Variants in SCN9A observed in about 807,000 individuals in gnomAD.
The protein encoded by SCN9A is sodium channel protein type 9 subunit alpha.
Under a neutral mutation model 187.0 loss-of-function variants are expected in SCN9A, and 131 were observed. That is an observed-to-expected ratio of 0.70 (90% confidence interval 0.61 to 0.81). The LOEUF (loss-of-function observed/expected upper bound fraction) is 0.81. Ranked by LOEUF, SCN9A falls within the 30% of genes least tolerant of loss-of-function variation. The pLI is 0.00. For missense variants in SCN9A, 2,252 were observed against 2,396.6 expected (o/e 0.94, Z 1.26); for synonymous variants, 809 against 808.6 (o/e 1.00, Z -0.01).
rs1693271258 is a variant in SCN9A, at chr2:166,197,223, T to G, written c.*1449A>C. 6.6e-6 allele frequency: 1 copy of G among 152,088 alleles called. No individual in the cohort carries two copies. The highest frequency in any genetic ancestry group is 1.5e-5 in the Non-Finnish European group (1 of 67,976). 9.4% of individuals were successfully genotyped at this position (152,088 alleles called of 1,614,324 possible). A position where few individuals can be genotyped will look rare whatever the true frequency, so the allele number is the denominator to read the frequency against. On this transcript the variant is annotated 3_prime_UTR_variant, in exon 27 of 27. Coordinates refer to ENST00000642356, the MANE Select transcript of SCN9A (RefSeq NM_001365536.1). ...TTATAGAAGAAAGATCTCATATTCCTGAAATAAACTCACGAAAAAAAGCAT... is the reference window on the plus strand; with the variant it reads ...TTATAGAAGAAAGATCTCATATTCCGGAAATAAACTCACGAAAAAAAGCAT...
rs759582019 is a variant in SCN9A at position 166,284,531 on chromosome 2, A to G, written c.1896T>C (p.Asp632=). 2.5e-6 allele frequency: 4 copies of G among 1,614,004 alleles called. No homozygotes were observed. Among genetic ancestry groups the G allele is most frequent in the East Asian group, 2.2e-5 (1 of 44,872 alleles). The stretch of plus-strand genomic sequence containing the variant: ...TGGGGAGCATGAGGGCTGAGCGTCC[A>G]TCAACCAGGGAGACCACACCGTTGC... ...VDCNGVVSLV[D]GRSALMLPNG... Residue 632 remains aspartate (D), a synonymous_variant, in exon 12 of 27, where the codon GAT becomes GAC. Transcript: ENST00000642356.
intron 20 of SCN9A, among the ~76,000 whole-genome samples, chr2:166,237,890 T>C (rs1474645223): frequency 2.0e-5 from 3 of 152,200 alleles, no homozygotes; most frequent in African/African-American, 7.2e-5. Flanking sequence ...TAATTTACAT[T>C]TGTTGAACGA....
chr2:166,324,671 C>G (rs1437638227), intron 1 of SCN9A, among the ~76,000 whole-genome samples: 1 of 152,074 alleles, frequency 6.6e-6, no homozygotes, highest in Non-Finnish European at 1.5e-5. Flanking sequence ...ATGAGAATGG[C>G]CTTTTACATA....
At chr2:166,279,304 T>C (rs2106473389) in intron 14 of SCN9A, among the ~76,000 whole-genome samples, 1 of 152,284 alleles carries the variant, frequency 6.6e-6, no homozygotes, top group African/African-American at 2.4e-5. Flanking sequence ...GAACTTCTGG[T>C]CTTCAAATGT....
At chr2:166,270,952 T>G (rs1696955065) in intron 17 of SCN9A, among the ~76,000 whole-genome samples, 4 of 152,092 alleles carry the variant, frequency 2.6e-5, no homozygotes. Context: ...GCCTTAAGAC[T>G]TGAAAGCAAT....
chr2:166,357,577 G>A (rs955640167), intron 1 of SCN9A, among the ~76,000 whole-genome samples: 5 of 152,130 alleles, frequency 3.3e-5, no homozygotes, highest in Non-Finnish European at 7.4e-5. Context: ...ATGACCAGAA[G>A]AAGCCATAAA....
At chr2:166,267,223 T>A (rs1229314891) in intron 17 of SCN9A, among the ~76,000 whole-genome samples, 1 of 152,002 alleles carries the variant, frequency 6.6e-6, no homozygotes, top group African/African-American at 2.4e-5. Context: ...TTAAGGTATG[T>A]TTCTTCTATA....
intron 1 of SCN9A, among the ~76,000 whole-genome samples, chr2:166,370,226 A>T (rs55945526): frequency 7.6e-6 from 1 of 131,606 alleles, no homozygotes; most frequent in African/African-American, 3.0e-5. Context: ...TAATAATAAT[A>T]ATAATAATAA....
chr2:166,214,838 G>C (rs1381755550), intron 24 of SCN9A, among the ~76,000 whole-genome samples: 1 of 151,600 alleles, frequency 6.6e-6, no homozygotes, highest in Non-Finnish European at 1.5e-5. Flanking sequence ...AAAAGATGTG[G>C]AAGGTCTCTA....
chr2:166,336,411 A>G (rs998863390), intron 1 of SCN9A, among the ~76,000 whole-genome samples: 5 of 152,100 alleles, frequency 3.3e-5, no homozygotes, highest in Non-Finnish European at 7.4e-5. Context: ...CATATACTGT[A>G]TAGATATCGG....
At chr2:166,321,636 GA>G (rs1222618568) in intron 1 of SCN9A, 3 of 151,586 alleles carry the variant, frequency 2.0e-5, no homozygotes, top group African/African-American at 7.3e-5. Flanking sequence ...AAAACTGAAT[GA>G]AAAAAATGGA....
intron 1 of SCN9A, among the ~76,000 whole-genome samples, chr2:166,323,934 A>G (rs1044568501): frequency 7.3e-5 from 11 of 151,088 alleles, no homozygotes; most frequent in Non-Finnish European, 1.6e-4. Flanking sequence ...TGTTTCTTTA[A>G]TCTTGATTAG....
chr2:166,323,256 C>T (rs537201581), intron 1 of SCN9A, among the ~76,000 whole-genome samples: 9 of 152,150 alleles, frequency 5.9e-5, no homozygotes, highest in African/African-American at 1.9e-4. Flanking sequence ...AAGAATGATC[C>T]CTTCCTTCAA....
At chr2:166,329,573 GGGTT>G (rs998916326) in intron 1 of SCN9A, among the ~76,000 whole-genome samples, 11 of 149,774 alleles carry the variant, frequency 7.3e-5, no homozygotes, top group African/African-American at 2.5e-4. Context: ...TGTTGGGGGG[GGGTT>G]GTTGTTGTTG....
At chr2:166,311,236 T>G in intron 2 of SCN9A, among the ~76,000 whole-genome samples, 1 of 131,244 alleles carries the variant, frequency 7.6e-6, no homozygotes, top group African/African-American at 3.0e-5. Context: ...ACCCTAAAAC[T>G]TAAAGTATAA....
rs369148683 is a variant in SCN9A at position 166,277,210 on chromosome 2, C to T, written c.2647G>A (p.Val883Ile). The T allele has an allele frequency of 1.2e-6, 2 of 1,614,072 alleles. No individual in the cohort carries two copies. The highest frequency in any genetic ancestry group is 1.7e-6 in the Non-Finnish European group (2 of 1,179,994). ...CTCTTACCAAAGAGCTGCATGCCGA[C>T]CACAGCAAAAATGAAGACGATGATG... ...LAIIVFIFAV[V>I]GMQLFGKSYK... Residue 883 changes from valine to isoleucine, a missense_variant, in exon 16 of 27, where the codon GTC (valine) becomes ATC (isoleucine). Transcript: ENST00000642356.
intron 21 of SCN9A, among the ~76,000 whole-genome samples, chr2:166,231,711 C>A (rs750372121): frequency 2.0e-5 from 3 of 151,720 alleles, no homozygotes; most frequent in African/African-American, 4.8e-5. Flanking sequence ...ACCACTATGC[C>A]CGGGTAATTT....
intron 7 of SCN9A, among the ~76,000 whole-genome samples, chr2:166,295,365 G>T (rs191661867): frequency 6.6e-6 from 1 of 152,206 alleles, no homozygotes; most frequent in African/African-American, 2.4e-5. Context: ...TACATTCTGA[G>T]AAATGCATCA....
At chr2:166,358,878 C>A (rs1041677747) in intron 1 of SCN9A, among the ~76,000 whole-genome samples, 62 of 152,238 alleles carry the variant, frequency 4.1e-4, no homozygotes, top group African/African-American at 1.5e-3. Flanking sequence ...TTTCTTCTAG[C>A]AGTTTTGTGG....
Sources: allele counts gnomAD v4.1 joint callset (sites outside exome capture counted in the v4.1 genomes callset), GRCh38; gene constraint gnomAD v4.1.1; transcripts MANE v1.5; gene names NCBI Gene and HGNC (gene_info 2026-07-23, HGNC 2026-07-21).